The following EEF1A2 variants were observed in gnomAD, a reference collection of about 807,000 sequenced individuals.
EEF1A2 encodes the protein elongation factor 1-alpha 2.
A neutral mutation model predicts 39.3 loss-of-function variants in EEF1A2; 5 were observed. That is an observed-to-expected ratio of 0.13 (90% CI 0.07 to 0.27). The LOEUF (loss-of-function observed/expected upper bound fraction) is 0.27, where lower values mean the gene tolerates loss of function less well. Among genes scored for constraint, EEF1A2 ranks in the 10% least tolerant of loss-of-function variants. EEF1A2 has a pLI of 1.00. For synonymous variants in EEF1A2, 287 were observed against 293.7 expected, an observed-to-expected ratio of 0.98 and a Z score of 0.23; for missense variants, 218 against 681.4, an observed-to-expected ratio of 0.32 and a Z score of 7.57.
chr20:63,488,821 A>G, intron 7 of EEF1A2, 97 bp downstream of exon 7: 1 of 1,321,264 alleles, frequency 7.6e-7, no homozygotes, highest in Non-Finnish European at 1.0e-6. Flanking sequence ...AAGGGGGCCC[A>G]CTGCTGTCCC....
At position 63,488,284 on chromosome 20, in the gene EEF1A2, C is replaced by T. The variant is rs2082361849; in HGVS notation, c.*14G>A. On this transcript the variant is annotated 3_prime_UTR_variant, in exon 8 of 8. Coordinates refer to ENST00000217182, the MANE Select transcript of EEF1A2 (RefSeq NM_001958.5). ...GGCACCGCCGGGGAGGGTCGCGCCG[C>T]GGGCGCCCGCGCTTCACTTGCCCGC... The T allele has an allele frequency of 5.6e-6, 7 of 1,239,294 alleles. No homozygotes were observed. The highest frequency in any genetic ancestry group is 7.2e-6 in the Non-Finnish European group (7 of 973,344). The allele number at this position is 1,239,294 out of a possible 1,614,324, so 76.8% of individuals were successfully genotyped here.
chr20:63,490,663 G>A lies in EEF1A2; in HGVS notation c.845C>T (p.Pro282Leu). Residue 282 changes from proline to leucine, a missense_variant, in exon 6 of 8, where the codon CCA (proline) becomes CTA (leucine). Pro to Leu is a moderately conservative substitution (Grantham distance 98). Coordinates refer to ENST00000217182, the MANE Select transcript of EEF1A2 (RefSeq NM_001958.5). The part of the protein sequence containing the change: ...LRPGMVVTFA[P>L]VNITTEVKSV... Reference sequence around the variant, plus strand: ...CTTCACCTCAGTGGTGATGTTCACTGGCGCAAAGGTCACCACCATGCCCGG... The same window carrying A: ...CTTCACCTCAGTGGTGATGTTCACTAGCGCAAAGGTCACCACCATGCCCGG... 6.2e-7 allele frequency: 1 copy of A among 1,612,020 alleles called. No homozygotes were observed. Among genetic ancestry groups the A allele is most frequent in the Non-Finnish European group, 8.5e-7 (1 of 1,179,812 alleles).
intron 4 of EEF1A2, among the ~76,000 whole-genome samples, 155 bp from the exon 5 acceptor site, chr20:63,493,442 C>T (rs2082400327): frequency 6.6e-6 from 1 of 152,144 alleles, no homozygotes; most frequent in Non-Finnish European, 1.5e-5. Context: ...TCCTCCCCAG[C>T]CCATAGCCCC....
chr20:63,490,258 G>T, intron 6 of EEF1A2: 1 of 533,476 alleles, frequency 1.9e-6, no homozygotes, highest in Non-Finnish European at 3.3e-6. Flanking sequence ...GTAGAGACGG[G>T]GTTTCACCAT....
intron 3 of EEF1A2, 97 bp from the exon 4 acceptor site, chr20:63,495,198 G>C: frequency 6.6e-7 from 1 of 1,509,728 alleles, no homozygotes; most frequent in African/African-American, 1.4e-5. Context: ...TCCAGGCAGC[G>C]GGCTGGGGCC....
rs138632721 is a variant in EEF1A2, at chr20:63,494,937, G to A, written c.489C>T (p.Ser163=). ...NKMDSTEPAY[S]EKRYDEIVKE... ...TGACGATCTCGTCGTAGCGCTTCTC[G>A]CTGTAGGCCGGCTCTGTGGAGTCCA... The change falls in exon 4 of 8, where the codon AGC becomes AGT. Residue 163 remains serine, a synonymous_variant. Transcript: ENST00000217182. 8.1e-6 allele frequency: 13 copies of A among 1,612,796 alleles called. No homozygotes were observed. Among genetic ancestry groups the A allele is most frequent in the Admixed American group, 5.0e-5 (3 of 60,022 alleles).
Position 63,494,308 on chromosome 20 carries a change from G to A in EEF1A2, c.621+497C>T, listed in dbSNP as rs140384913. 2.8e-3 allele frequency among the ~76,000 whole-genome samples: 421 copies of A among 152,324 alleles called. 2 individuals carry two copies. Among genetic ancestry groups the A allele is most frequent in the African/African-American group, 9.1e-3 (378 of 41,572 alleles). On this transcript the variant is annotated intron_variant, in intron 4 of 7. Transcript: ENST00000217182. ...TCGCACGTTGAGCTCCCAGGTGACCGGCCAAGAGCCAACCCTTGGCCATCC... is the reference window on the plus strand; with the variant it reads ...TCGCACGTTGAGCTCCCAGGTGACCAGCCAAGAGCCAACCCTTGGCCATCC...
At chr20:63,489,189 G>T in intron 6 of EEF1A2, 37 bp from the exon 7 acceptor site, 1 of 1,597,322 alleles carries the variant, frequency 6.3e-7, no homozygotes, top group South Asian at 1.1e-5. Flanking sequence ...CAGGCACATC[G>T]GCGGTGGGCA....
At position 63,497,400 on chromosome 20, in the gene EEF1A2, G is replaced by A. The variant is rs551403104; in HGVS notation, c.144+220C>T. 1,479 of 592,720 alleles carry A rather than the reference G, an allele frequency of 2.5e-3. 9 individuals are homozygous for A. The highest frequency in any genetic ancestry group is 3.9e-3 in the Admixed American group (107 of 27,370). 36.7% of individuals were successfully genotyped at this position (592,720 alleles called of 1,614,324 possible). On this transcript the variant is annotated intron_variant, in intron 2 of 7. Coordinates refer to ENST00000217182, the MANE Select transcript of EEF1A2 (RefSeq NM_001958.5). This position sits in a 1 kb window ranked among gnomAD's most constrained non-coding sequence, Gnocchi z 7.3. ...ACCTCCCTCACCACAGGGCAAGTCC[G>A]GCAGCTCGATGGCCACCCCTCCCCC... is the stretch of plus-strand genomic sequence containing the variant.
At chr20:63,492,246 G>A (rs2082387551) in intron 5 of EEF1A2, among the ~76,000 whole-genome samples, 1 of 147,440 alleles carries the variant, frequency 6.8e-6, no homozygotes, top group African/African-American at 2.5e-5. Flanking sequence ...GGATAGGTAG[G>A]TGGGTGGATG....
intron 4 of EEF1A2, 57 bp downstream of exon 4, chr20:63,494,748 C>G: frequency 6.4e-7 from 1 of 1,559,524 alleles, no homozygotes; most frequent in Non-Finnish European, 8.7e-7. Flanking sequence ...GTGCCTCGCT[C>G]TGGGCCAGGG....
chr20:63,494,690 C>A, intron 4 of EEF1A2, 115 bp downstream of exon 4: 1 of 1,381,614 alleles, frequency 7.2e-7, no homozygotes, highest in Admixed American at 2.4e-5. Context: ...TCGAGGGGAA[C>A]CTGCATTTCC....
At chr20:63,496,302 T>C (rs1435954242) in intron 2 of EEF1A2, 9 of 516,556 alleles carry the variant, frequency 1.7e-5, no homozygotes, top group African/African-American at 3.9e-5. Flanking sequence ...GGCCTGGGAG[T>C]CGCTCGCTCT....
Position 63,488,442 on chromosome 20 carries a change from G to A in EEF1A2, c.1265-17C>T, listed in dbSNP as rs751405252. On this transcript the variant is annotated splice_polypyrimidine_tract_variant and intron_variant, in intron 7 of 7. Transcript: ENST00000217182. Reference sequence around the variant, plus strand: ...CGAAGCGGCCTGGGGGGCGGGGGGCGGCGTGTGGGCGGGGCCGGAGGACTT... The same window carrying A: ...CGAAGCGGCCTGGGGGGCGGGGGGCAGCGTGTGGGCGGGGCCGGAGGACTT... The A allele has an allele frequency of 7.0e-7, 1 of 1,424,880 alleles. No homozygotes were observed. The highest frequency in any genetic ancestry group is 1.4e-5 in the South Asian group (1 of 71,358). 88.3% of individuals were successfully genotyped at this position (1,424,880 alleles called of 1,614,324 possible).
At chr20:63,488,805 G>A (rs1380102754) in intron 7 of EEF1A2, 113 bp downstream of exon 7, 3 of 1,185,176 alleles carry the variant, frequency 2.5e-6, no homozygotes, top group African/African-American at 1.5e-5. Flanking sequence ...GCCAAGCTCC[G>A]CAGGAAAGGG....
intron 5 of EEF1A2, among the ~76,000 whole-genome samples, chr20:63,491,837 G>A (rs2082380921): frequency 6.7e-6 from 1 of 150,186 alleles, no homozygotes; most frequent in Admixed American, 6.6e-5. Flanking sequence ...TGGGTAGGAA[G>A]GTGGGTGGAT....
intron 5 of EEF1A2, among the ~76,000 whole-genome samples, chr20:63,491,617 G>A (rs369383200): frequency 1.3e-5 from 2 of 152,340 alleles, no homozygotes; most frequent in East Asian, 3.9e-4. Flanking sequence ...TCTCTTCTTG[G>A]TGGGATGGAT....
At chr20:63,489,317 T>A (rs2082367789) in intron 6 of EEF1A2, among the ~76,000 whole-genome samples, 165 bp from the exon 7 acceptor site, 1 of 152,188 alleles carries the variant, frequency 6.6e-6, no homozygotes, top group South Asian at 2.1e-4. Context: ...CCCCCAGACC[T>A]GAACCTCAAC....
intron 3 of EEF1A2, 56 bp from the exon 4 acceptor site, chr20:63,495,157 C>A (rs191416198): frequency 1.3e-5 from 20 of 1,570,960 alleles, no homozygotes; most frequent in South Asian, 2.3e-5. Context: ...GGGGACAGAG[C>A]GAGCCTGGCC....
Sources: allele counts gnomAD v4.1 joint callset (sites outside exome capture counted in the v4.1 genomes callset), GRCh38; gene constraint gnomAD v4.1.1; non-coding constraint Gnocchi (gnomAD v3.1); transcripts MANE v1.5; gene names NCBI Gene and HGNC (gene_info 2026-07-23, HGNC 2026-07-21).